SAMM50: variants seen among roughly 807,000 people sequenced by gnomAD.
The protein encoded by SAMM50 is sorting and assembly machinery component 50 homolog.
In SAMM50, 47 loss-of-function variants were observed where a neutral mutation model predicts 66.9. The ratio of observed to expected loss-of-function variants is 0.70; its 90% CI spans 0.56 to 0.90. The LOEUF is 0.90. SAMM50 is among the 40% of genes least tolerant of loss of function. The pLI, the probability that SAMM50 is intolerant of heterozygous loss-of-function variation, is 0.00. For missense variants in SAMM50, 535 were observed against 595.3 expected (o/e 0.90, Z 1.05); for synonymous variants, 191 against 214.1 (o/e 0.89, Z 0.94).
chr22:43,957,201 C>A, intron 1 of SAMM50: 2 of 680,802 alleles, frequency 2.9e-6, no homozygotes, highest in Non-Finnish European at 5.4e-6. Context: ...CTCCTGGCGG[C>A]AAATCAAACA....
At chr22:43,992,346 G>A (rs1164185584) in intron 14 of SAMM50, among the ~76,000 whole-genome samples, 1 of 152,232 alleles carries the variant, frequency 6.6e-6, no homozygotes, top group African/African-American at 2.4e-5. Context: ...CTTGCCAGAA[G>A]GCCCTTCAGC....
intron 11 of SAMM50, among the ~76,000 whole-genome samples, chr22:43,982,883 A>C (rs1023837447): frequency 3.3e-5 from 5 of 152,112 alleles, no homozygotes; most frequent in African/African-American, 1.2e-4. Flanking sequence ...TGATGCGCCC[A>C]CCTCAGCCTC....
chr22:43,986,651 A>T (rs2050295480), intron 12 of SAMM50: 1 of 151,930 alleles, frequency 6.6e-6, no homozygotes, highest in African/African-American at 2.4e-5. Context: ...CCCAGGTTCA[A>T]GCGATTCCCC....
At chr22:43,967,932 G>T (rs1298813506) in intron 3 of SAMM50, among the ~76,000 whole-genome samples, 1 of 152,176 alleles carries the variant, frequency 6.6e-6, no homozygotes, top group Non-Finnish European at 1.5e-5. Context: ...GTTAGAGATG[G>T]TTAGAAAGGC....
intron 4 of SAMM50, among the ~76,000 whole-genome samples, chr22:43,970,667 G>A (rs187947373): frequency 2.6e-5 from 4 of 152,164 alleles, no homozygotes; most frequent in East Asian, 3.9e-4. Flanking sequence ...AGTGTGTGTC[G>A]GGGTAAGGAG....
intron 1 of SAMM50, among the ~76,000 whole-genome samples, chr22:43,960,531 C>G (rs1392553636): frequency 6.6e-6 from 1 of 152,046 alleles, no homozygotes; most frequent in Admixed American, 6.6e-5. Context: ...GAGTTCAAGA[C>G]CAGCCTGACC....
intron 3 of SAMM50, among the ~76,000 whole-genome samples, chr22:43,965,897 G>A (rs985178972): frequency 6.6e-6 from 1 of 152,104 alleles, no homozygotes; most frequent in Non-Finnish European, 1.5e-5. Flanking sequence ...GGAGTCCAGT[G>A]GCGTGAACAC....
At chr22:43,993,121 C>T (rs571425278) in intron 14 of SAMM50, among the ~76,000 whole-genome samples, 9 of 152,294 alleles carry the variant, frequency 5.9e-5, no homozygotes, top group Admixed American at 2.6e-4. Context: ...GCCCCAGAGG[C>T]GCTGTGACGC....
intron 8 of SAMM50, 128 bp downstream of exon 8, chr22:43,976,311 G>A (rs2050231758): frequency 2.8e-6 from 3 of 1,054,250 alleles, no homozygotes; most frequent in Admixed American, 4.5e-5. Context: ...CCACAGTGGC[G>A]GCCCCCACTC....
chr22:43,971,742 G>T (rs2050204821), intron 4 of SAMM50, among the ~76,000 whole-genome samples: 1 of 151,856 alleles, frequency 6.6e-6, no homozygotes, highest in Non-Finnish European at 1.5e-5. Flanking sequence ...ACAGGGTCTT[G>T]CTCTGTCGTC....
At chr22:43,956,010 C>G (rs1479584121) in intron 1 of SAMM50, among the ~76,000 whole-genome samples, 1 of 152,220 alleles carries the variant, frequency 6.6e-6, no homozygotes, top group Non-Finnish European at 1.5e-5. Flanking sequence ...TTGAAGTCTT[C>G]TAACTCAAAC....
intron 13 of SAMM50, among the ~76,000 whole-genome samples, chr22:43,990,042 G>T (rs980449540): frequency 6.6e-6 from 1 of 152,244 alleles, no homozygotes; most frequent in Non-Finnish European, 1.5e-5. Flanking sequence ...CAGGCCCAAA[G>T]AATTGAGAAG....
chr22:43,990,460 T>G (rs778849663), intron 14 of SAMM50, 54 bp downstream of exon 14: 2 of 1,572,786 alleles, frequency 1.3e-6, no homozygotes, highest in Non-Finnish European at 1.7e-6. Context: ...AGTAATTTTA[T>G]TTTGTTTTGG....
rs1258928601 is a variant in SAMM50, at chr22:43,983,284, A to T, written c.1008-649A>T. ...TTGTCATTTAAATTCATTTTTTAGT[A>T]ATTATCATAATCTAAAATCGGGTTC... On this transcript the variant is annotated intron_variant, in intron 11 of 14. Transcript: ENST00000350028. The surrounding 1 kb of genome is among the most constrained non-coding windows in gnomAD (Gnocchi z 4.2). Among the ~76,000 whole-genome samples, 1 of 152,154 alleles carries T rather than the reference A, an allele frequency of 6.6e-6. No homozygotes were observed. Among genetic ancestry groups the T allele is most frequent in the Non-Finnish European group, 1.5e-5 (1 of 68,032 alleles).
Position 43,976,305 on chromosome 22 carries a change from A to G in SAMM50, c.777+122A>G, listed in dbSNP as rs2050231654. On this transcript the variant is annotated intron_variant, in intron 8 of 14. Transcript: ENST00000350028. ...AGCGTCACCCAGATGGGGTGTCCAC[A>G]GTGGCGGCCCCCACTCCCCGAGGGC... is the stretch of plus-strand genomic sequence containing the variant. The G allele has an allele frequency of 2.8e-5, 33 of 1,194,966 alleles. 1 individual carries two copies. The South Asian group carries it at 3.9e-4, about 14-fold the overall frequency. 74.0% of individuals were successfully genotyped at this position (1,194,966 alleles called of 1,614,324 possible). A position where few individuals can be genotyped will look rare whatever the true frequency, so the allele number is the denominator to read the frequency against.
intron 7 of SAMM50, 97 bp from the exon 8 acceptor site, chr22:43,975,958 T>G (rs116828202): frequency 7.9e-7 from 1 of 1,266,988 alleles, no homozygotes; most frequent in African/African-American, 1.5e-5. Flanking sequence ...ATTAGATATT[T>G]AGTTCATTGT....
intron 1 of SAMM50, among the ~76,000 whole-genome samples, chr22:43,962,881 A>ATT (rs58022542): frequency 0.014 from 890 of 65,444 alleles, 124 homozygotes; most frequent in African/African-American, 0.033. Context: ...CTTTTGGTTA[A>ATT]TTTTTTTTTT....
chr22:43,984,368 A>G (rs1306542752), intron 12 of SAMM50, among the ~76,000 whole-genome samples: 2 of 152,124 alleles, frequency 1.3e-5, no homozygotes, highest in Admixed American at 1.3e-4. Context: ...GCTGGAGTGC[A>G]ATGGCGCGAT....
intron 14 of SAMM50, among the ~76,000 whole-genome samples, chr22:43,994,184 T>C (rs971751929): frequency 2.6e-5 from 4 of 152,192 alleles, no homozygotes; most frequent in Non-Finnish European, 2.9e-5. Context: ...ACAGTGGTCC[T>C]GGCTAACAAA....
Sources: gnomAD v4.1 joint callset for allele counts (sites outside exome capture counted in the v4.1 genomes callset) on GRCh38, gnomAD v4.1.1 for gene constraint, Gnocchi (gnomAD v3.1) non-coding constraint, MANE v1.5 for transcripts, NCBI Gene and HGNC (gene_info 2026-07-23, HGNC 2026-07-21) for gene names.